Variants in USP50 observed in about 807,000 individuals in gnomAD.
USP50 encodes ubiquitin specific peptidase 50.
USP50 carries 37 observed loss-of-function variants against 39.2 expected under a neutral mutation model. The observed-to-expected ratio is 0.94, with a 90% CI of 0.73 to 1.24. The LOEUF (loss-of-function observed/expected upper bound fraction) is 1.24. Among genes scored for constraint, USP50 ranks in the 50% most tolerant of loss-of-function variants. The probability of loss-of-function intolerance (pLI) is 0.00; values close to 1 mark genes in which losing one functional copy is unlikely to be tolerated. For missense variants in USP50, 374 were observed against 398.2 expected (o/e 0.94, Z 0.52); for synonymous variants, 139 against 144.5 (o/e 0.96, Z 0.27).
At chr15:50,525,648 A>G (rs894186939) in intron 6 of USP50, among the ~76,000 whole-genome samples, 6 of 103,550 alleles carry the variant, frequency 5.8e-5, no homozygotes, top group East Asian at 3.0e-4. Flanking sequence ...ATATGTGTAT[A>G]TGTATATGTA....
rs1229849719 is a variant in USP50, at chr15:50,543,579, G to A, written c.444+19C>T. ...AAGGTTCAGGACTATCCTATTTCAAGGTCATTAACTCTACTTACCTTTTTT... is the reference window on the plus strand; with the variant it reads ...AAGGTTCAGGACTATCCTATTTCAAAGTCATTAACTCTACTTACCTTTTTT... On this transcript the variant is annotated intron_variant, in intron 3 of 6. Transcript: ENST00000532404. The A allele has an allele frequency of 3.7e-6, 6 of 1,601,510 alleles. No homozygotes were observed. In the Admixed American group the frequency reaches 8.6e-5, roughly 23 times the overall value.
chr15:50,538,931 A>C, intron 4 of USP50, 80 bp from the exon 5 acceptor site: 1 of 1,442,464 alleles, frequency 6.9e-7, no homozygotes, highest in Middle Eastern at 1.8e-4. Context: ...GAACTTTGCA[A>C]ATGCCGTGGA....
At chr15:50,502,202 G>A (rs1412163014) in intron 6 of USP50, 2 of 152,250 alleles carry the variant, frequency 1.3e-5, no homozygotes, top group Non-Finnish European at 2.9e-5. Flanking sequence ...CCGCCTCCCA[G>A]GTTCAAGCAA....
intron 6 of USP50, among the ~76,000 whole-genome samples, chr15:50,518,026 T>G (rs1477881044): frequency 6.6e-6 from 1 of 152,070 alleles, no homozygotes; most frequent in African/African-American, 2.4e-5. Flanking sequence ...AGAGGGAAAT[T>G]TATAGCAATA....
At chr15:50,513,721 C>A (rs1462953361) in intron 6 of USP50, 2 of 146,262 alleles carry the variant, frequency 1.4e-5, no homozygotes, top group African/African-American at 4.9e-5. Flanking sequence ...TGCCATTCTA[C>A]TATATGGGCA....
intron 6 of USP50, chr15:50,507,542 G>T (rs1298436743): frequency 6.6e-6 from 1 of 151,864 alleles, no homozygotes; most frequent in East Asian, 1.9e-4. Context: ...AATGAAAAAA[G>T]GTTTAAATCA....
chr15:50,499,965 T>G (rs1019499759), downstream of USP50: 1 of 152,190 alleles, frequency 6.6e-6, no homozygotes, highest in South Asian at 2.1e-4. Flanking sequence ...CAGGCATGAT[T>G]GCAAAGTGAA....
chr15:50,537,679 T>C (rs1383873270), intron 5 of USP50, among the ~76,000 whole-genome samples: 1 of 148,408 alleles, frequency 6.7e-6, no homozygotes, highest in African/African-American at 2.5e-5. Flanking sequence ...GGCAACATGG[T>C]GAAAACCTGT....
chr15:50,544,173 T>C (rs2053052663), intron 2 of USP50, among the ~76,000 whole-genome samples: 4 of 151,838 alleles, frequency 2.6e-5, no homozygotes, highest in African/African-American at 9.7e-5. Flanking sequence ...AAACCCCGTC[T>C]CTACTAAAAA....
chr15:50,497,189 A>G (rs756522739), downstream of USP50: 10 of 1,611,246 alleles, frequency 6.2e-6, no homozygotes, highest in Non-Finnish European at 1.7e-6. Flanking sequence ...AAAAAGATAG[A>G]AATCTGGAAG....
chr15:50,534,473 T>C (rs1464285631), intron 5 of USP50, among the ~76,000 whole-genome samples: 1 of 152,062 alleles, frequency 6.6e-6, no homozygotes, highest in Non-Finnish European at 1.5e-5. Flanking sequence ...GGGCAACAAA[T>C]AGCAGTAACA....
At chr15:50,509,572 C>A (rs1254876815) in intron 6 of USP50, 2 of 151,796 alleles carry the variant, frequency 1.3e-5, no homozygotes, top group East Asian at 1.9e-4. Flanking sequence ...GACTTGAACC[C>A]GGGAGGCGGA....
downstream of USP50, chr15:50,496,181 A>G (rs1300839896): frequency 1.9e-6 from 2 of 1,054,180 alleles, no homozygotes; most frequent in African/African-American, 3.2e-5. Flanking sequence ...CCTTACAAAC[A>G]TTTTATCAGT....
At chr15:50,542,281 T>C (rs2053035440) in intron 3 of USP50, among the ~76,000 whole-genome samples, 1 of 152,014 alleles carries the variant, frequency 6.6e-6, no homozygotes, top group African/African-American at 2.4e-5. Context: ...GCTTGCTCCT[T>C]TCATCACACT....
intron 6 of USP50, among the ~76,000 whole-genome samples, chr15:50,519,333 G>A (rs933117523): frequency 2.6e-5 from 4 of 151,852 alleles, no homozygotes; most frequent in Non-Finnish European, 5.9e-5. Flanking sequence ...CAAAGGACAT[G>A]AATACACATT....
At chr15:50,516,029 TA>T (rs2141358386) in intron 6 of USP50, among the ~76,000 whole-genome samples, 2 of 151,396 alleles carry the variant, frequency 1.3e-5, no homozygotes, top group Non-Finnish European at 2.9e-5. Context: ...TGAGGGGGAG[TA>T]AAAGTATAGT....
At chr15:50,496,912 C>A (rs906075042), downstream of USP50, 15 of 724,156 alleles carry the variant, frequency 2.1e-5, no homozygotes, top group African/African-American at 2.7e-4. Flanking sequence ...TCTGTGCTGT[C>A]ATTGTTCACT....
chr15:50,501,337 A>G (rs1381134695), intron 6 of USP50: 1 of 152,938 alleles, frequency 6.5e-6, no homozygotes, highest in Admixed American at 6.4e-5. Flanking sequence ...AGCTAGGCAT[A>G]GTGGTGCACA....
downstream of USP50, chr15:50,493,705 G>A (rs768334069): frequency 4.8e-5 from 18 of 374,152 alleles, no homozygotes; most frequent in Non-Finnish European, 7.8e-5. Flanking sequence ...TGATTGTGCC[G>A]CTATACTCCA....
Sources: allele counts gnomAD v4.1 joint callset (sites outside exome capture counted in the v4.1 genomes callset), GRCh38; gene constraint gnomAD v4.1.1; transcripts MANE v1.5; gene names NCBI Gene and HGNC (gene_info 2026-07-23, HGNC 2026-07-21).